Variants in SYN3 observed in about 807,000 individuals in gnomAD.
The protein encoded by SYN3 is synapsin III.
In SYN3, 35 loss-of-function variants were observed where a neutral mutation model predicts 65.8. That is an observed-to-expected ratio of 0.53 (90% CI 0.41 to 0.70). The LOEUF is 0.70. Ranked by LOEUF, SYN3 falls within the 30% of genes least tolerant of loss-of-function variation. The pLI is 0.00. For missense variants in SYN3, 680 were observed against 749.0 expected (o/e 0.91, Z 1.08); for synonymous variants, 270 against 292.9 (o/e 0.92, Z 0.80).
chr22:32,785,569 T>A (rs902314667), intron 6 of SYN3, among the ~76,000 whole-genome samples: 2 of 152,212 alleles, frequency 1.3e-5, no homozygotes, highest in Non-Finnish European at 2.9e-5. Flanking sequence ...TGCTCGTGCA[T>A]CCCACTGTGC....
intron 6 of SYN3, among the ~76,000 whole-genome samples, chr22:32,821,126 G>A (rs2047236073): frequency 1.3e-5 from 2 of 152,152 alleles, no homozygotes; most frequent in Admixed American, 1.3e-4. Context: ...AGTGGAGGAT[G>A]TCAAAAGAGA....
At chr22:32,848,828 G>A (rs1341859567) in intron 6 of SYN3, among the ~76,000 whole-genome samples, 5 of 152,144 alleles carry the variant, frequency 3.3e-5, no homozygotes, top group Non-Finnish European at 5.9e-5. Flanking sequence ...CCTGAGCCCC[G>A]ACTCCCAATT....
chr22:32,523,727 A>G (rs1399021534), intron 12 of SYN3, among the ~76,000 whole-genome samples: 2 of 152,218 alleles, frequency 1.3e-5, no homozygotes, highest in African/African-American at 2.4e-5. Context: ...CACATCTCTT[A>G]CTTTTAAATA....
At chr22:33,039,641 T>C (rs1019495934) in intron 1 of SYN3, among the ~76,000 whole-genome samples, 6 of 152,056 alleles carry the variant, frequency 3.9e-5, no homozygotes, top group Non-Finnish European at 7.4e-5. Flanking sequence ...TGTGACCTCA[T>C]GTGATCCGCC....
intron 6 of SYN3, among the ~76,000 whole-genome samples, chr22:32,674,450 C>T (rs1312366780): frequency 6.6e-6 from 1 of 152,184 alleles, no homozygotes; most frequent in Non-Finnish European, 1.5e-5. Flanking sequence ...TCTTTTGTTG[C>T]TACAGGTAAT....
intron 6 of SYN3, among the ~76,000 whole-genome samples, chr22:32,853,293 GA>G (rs1439750088): frequency 2.0e-5 from 3 of 152,214 alleles, no homozygotes; most frequent in Non-Finnish European, 4.4e-5. Context: ...GCTGTATAGA[GA>G]AAGATCATGG....
chr22:32,985,414 G>A (rs1037324624), intron 2 of SYN3, among the ~76,000 whole-genome samples: 3 of 152,182 alleles, frequency 2.0e-5, no homozygotes, highest in African/African-American at 7.2e-5. Flanking sequence ...ACAGGTGCAA[G>A]GAGTGATGGC....
At chr22:32,751,000 G>T (rs796983935) in intron 6 of SYN3, among the ~76,000 whole-genome samples, 4 of 152,242 alleles carry the variant, frequency 2.6e-5, no homozygotes, top group African/African-American at 9.6e-5. Flanking sequence ...GGAGCTGCGG[G>T]TTTTCAAACC....
intron 3 of SYN3, 140 bp downstream of exon 3, chr22:32,980,505 C>T: frequency 1.3e-6 from 1 of 747,074 alleles, no homozygotes; most frequent in South Asian, 1.7e-5. Context: ...TTTAATGAGA[C>T]TCCCAAGTAT....
chr22:33,032,440 G>A (rs115037001), intron 1 of SYN3, among the ~76,000 whole-genome samples: 3,475 of 152,072 alleles, frequency 0.023, 109 homozygotes, highest in African/African-American at 0.079. Context: ...GAGAGACGAA[G>A]GTTGCAATAA....
At chr22:32,752,645 A>G (rs1184438102) in intron 6 of SYN3, among the ~76,000 whole-genome samples, 2 of 151,736 alleles carry the variant, frequency 1.3e-5, no homozygotes, top group Non-Finnish European at 2.9e-5. Flanking sequence ...CCCTCCCACC[A>G]CCCCAGAAGG....
At chr22:32,712,581 T>C (rs530432007) in intron 6 of SYN3, among the ~76,000 whole-genome samples, 14 of 152,120 alleles carry the variant, frequency 9.2e-5, no homozygotes, top group Non-Finnish European at 1.8e-4. Flanking sequence ...ACCATGTGAT[T>C]TGGGGTTCTG....
intron 6 of SYN3, among the ~76,000 whole-genome samples, chr22:32,626,469 G>A (rs1050522682): frequency 6.6e-6 from 1 of 152,198 alleles, no homozygotes; most frequent in Admixed American, 6.5e-5. Flanking sequence ...CTGTTCAAGT[G>A]TAGACAAAGA....
chr22:32,898,466 A>G (rs2049662238), intron 4 of SYN3, among the ~76,000 whole-genome samples: 1 of 152,094 alleles, frequency 6.6e-6, no homozygotes. Flanking sequence ...ACTTGTAGCT[A>G]CTCATCTGTT....
At chr22:32,807,379 A>T (rs1430901908) in intron 6 of SYN3, among the ~76,000 whole-genome samples, 5 of 106,130 alleles carry the variant, frequency 4.7e-5, no homozygotes, top group Admixed American at 3.5e-4. Context: ...ATTATATATA[A>T]TATATATTAT....
chr22:32,544,344 G>C (rs1195098235), intron 7 of SYN3, among the ~76,000 whole-genome samples: 1 of 152,132 alleles, frequency 6.6e-6, no homozygotes, highest in Non-Finnish European at 1.5e-5. Context: ...CGTGATCAAG[G>C]ATCCACCATT....
intron 6 of SYN3, among the ~76,000 whole-genome samples, chr22:32,700,745 C>T (rs1424328458): frequency 2.0e-5 from 3 of 152,156 alleles, no homozygotes; most frequent in Non-Finnish European, 2.9e-5. Flanking sequence ...TAGCTTTAAA[C>T]ACCATGTAAT....
At chr22:32,761,029 T>C (rs944626235) in intron 6 of SYN3, among the ~76,000 whole-genome samples, 1 of 152,058 alleles carries the variant, frequency 6.6e-6, no homozygotes, top group African/African-American at 2.4e-5. Context: ...GCTCCCGGGG[T>C]ACACGGTGTC....
intron 4 of SYN3, among the ~76,000 whole-genome samples, chr22:32,877,071 T>G (rs2049004245): frequency 6.6e-6 from 1 of 152,230 alleles, no homozygotes; most frequent in Non-Finnish European, 1.5e-5. Context: ...CTATGCCTGA[T>G]GGACAAGGCA....
Sources: allele counts gnomAD v4.1 joint callset (sites outside exome capture counted in the v4.1 genomes callset), GRCh38; gene constraint gnomAD v4.1.1; transcripts MANE v1.5; gene names NCBI Gene and HGNC (gene_info 2026-07-23, HGNC 2026-07-21).